SYNE2: variants seen among roughly 807,000 people sequenced by gnomAD.
SYNE2 encodes nesprin-2.
SYNE2 carries 431 observed loss-of-function variants against 856.3 expected under a neutral mutation model. That is an observed-to-expected ratio of 0.50 (90% confidence interval 0.47 to 0.55). The LOEUF (loss-of-function observed/expected upper bound fraction) is 0.55. Ranked by LOEUF, SYNE2 falls within the 20% of genes least tolerant of loss-of-function variation. The pLI is 0.00. For synonymous variants in SYNE2, 2,923 were observed against 2,872.3 expected (o/e 1.02, Z -0.56); for missense variants, 8,129 against 8,023.2 (o/e 1.01, Z -0.50).
chr14:63,789,646 G>A (rs997855283), intron 1 of SYNE2, among the ~76,000 whole-genome samples: 15 of 151,888 alleles, frequency 9.9e-5, no homozygotes, highest in African/African-American at 3.6e-4. Context: ...TAACCAGGTT[G>A]GTGGCACTGT....
At chr14:63,918,723 C>T (rs1006920467) in intron 2 of SYNE2, among the ~76,000 whole-genome samples, 5 of 152,184 alleles carry the variant, frequency 3.3e-5, no homozygotes, top group African/African-American at 9.7e-5. Context: ...TCCATCTTTA[C>T]TGCACAGGGG....
chr14:64,089,903 T>C (rs2097594682), intron 59 of SYNE2, among the ~76,000 whole-genome samples: 1 of 152,220 alleles, frequency 6.6e-6, no homozygotes, highest in Admixed American at 6.5e-5. Flanking sequence ...CTATAGGTTA[T>C]TTTTTCATTT....
intron 1 of SYNE2, among the ~76,000 whole-genome samples, chr14:63,861,144 G>GTT (rs71123806): frequency 7.0e-5 from 9 of 128,362 alleles, no homozygotes; most frequent in Admixed American, 4.1e-4. Flanking sequence ...TTACCACATT[G>GTT]TTTTTTTTTT....
chr14:64,022,886 TA>T (rs2096946941), intron 38 of SYNE2, 23 bp downstream of exon 38: 1 of 1,323,010 alleles, frequency 7.6e-7, no homozygotes, highest in Non-Finnish European at 1.1e-6. Flanking sequence ...TGTGTATTTT[TA>T]ATAAAAATTT....
chr14:63,885,390 A>C (rs1013412587), intron 1 of SYNE2, among the ~76,000 whole-genome samples: 1 of 152,120 alleles, frequency 6.6e-6, no homozygotes, highest in African/African-American at 2.4e-5. Context: ...TAGGTCTGGA[A>C]ATTGTTTCCA....
chr14:64,195,780 A>G (rs1461737690), intron 99 of SYNE2, among the ~76,000 whole-genome samples: 3 of 152,194 alleles, frequency 2.0e-5, no homozygotes. Flanking sequence ...AACACCAAAC[A>G]ATGCTGCTAG....
chr14:64,223,399 T>C lies in SYNE2; in HGVS notation c.20382+19T>C. 6.2e-7 allele frequency: 1 copy of C among 1,612,964 alleles called. No individual in the cohort carries two copies. Among genetic ancestry groups the C allele is most frequent in the Non-Finnish European group, 8.5e-7 (1 of 1,179,438 alleles). The stretch of plus-strand genomic sequence containing the variant: ...AACCCAGGTGAGTCTACTTGTAGCT[T>C]TTAACTGTAAAGATTGCCGTATTAC... On this transcript the variant is annotated intron_variant, in intron 113 of 115. Transcript: ENST00000555002.
chr14:63,948,730 A>ATG (rs1461775070), intron 6 of SYNE2, among the ~76,000 whole-genome samples: 6 of 88,890 alleles, frequency 6.7e-5, no homozygotes, highest in East Asian at 2.9e-4. Context: ...GTGTATATAT[A>ATG]TGTGTATAGA....
At chr14:63,950,088 C>T (rs2096126404) in intron 7 of SYNE2, 82 bp downstream of exon 7, 1 of 1,436,442 alleles carries the variant, frequency 7.0e-7, no homozygotes, top group Non-Finnish European at 9.8e-7. Flanking sequence ...ACACCTCCCT[C>T]ACTTAACATG....
At chr14:63,915,625 C>A (rs574261811) in intron 2 of SYNE2, among the ~76,000 whole-genome samples, 110 of 152,310 alleles carry the variant, frequency 7.2e-4, no homozygotes, top group African/African-American at 2.6e-3. Context: ...TCTGCACGAA[C>A]CTCTATAAAA....
intron 30 of SYNE2, among the ~76,000 whole-genome samples, chr14:64,003,705 G>T (rs1281558623): frequency 2.0e-5 from 3 of 152,124 alleles, no homozygotes; most frequent in Non-Finnish European, 2.9e-5. Context: ...TGAAACCAGT[G>T]GTGGAAGATG....
chr14:64,129,576 A>G (rs1043464328), intron 74 of SYNE2, among the ~76,000 whole-genome samples: 3 of 152,174 alleles, frequency 2.0e-5, no homozygotes, highest in Non-Finnish European at 4.4e-5. Context: ...AGGGATATGC[A>G]TGTCTACCCC....
chr14:64,131,765 G>A lies in SYNE2; in HGVS notation c.14341-500G>A, dbSNP rs76834570. Among the ~76,000 whole-genome samples the A allele has an allele frequency of 4.6e-5, 7 of 152,128 alleles. No individual in the cohort carries two copies. The East Asian group carries it at 1.4e-3, about 29-fold the overall frequency. Reference sequence around the variant, plus strand: ...CCTAGCTGGCATCTATCTTTTTGTAGCATTTAGACTCAAAACAACTGATTT... The same window carrying A: ...CCTAGCTGGCATCTATCTTTTTGTAACATTTAGACTCAAAACAACTGATTT... On this transcript the variant is annotated intron_variant, in intron 76 of 115. Transcript: ENST00000555002.
intron 1 of SYNE2, among the ~76,000 whole-genome samples, chr14:63,840,410 C>T (rs1266706458): frequency 1.7e-5 from 1 of 59,954 alleles, no homozygotes; most frequent in Admixed American, 2.1e-4. Context: ...TTCCTTCCTT[C>T]CTTCCTTCCT....
At chr14:64,024,214 A>G in intron 38 of SYNE2, 43 bp from the exon 39 acceptor site, 1 of 1,591,718 alleles carries the variant, frequency 6.3e-7, no homozygotes, top group Non-Finnish European at 8.6e-7. Flanking sequence ...GACCACATTC[A>G]GACTTGCCAG....
chr14:64,184,113 C>G (rs867712024), intron 96 of SYNE2, among the ~76,000 whole-genome samples: 3 of 152,106 alleles, frequency 2.0e-5, no homozygotes, highest in Non-Finnish European at 2.9e-5. Flanking sequence ...TGACTCCCTG[C>G]TTTTTTCATT....
chr14:63,790,706 A>G (rs1887702435), intron 1 of SYNE2, among the ~76,000 whole-genome samples: 1 of 152,200 alleles, frequency 6.6e-6, no homozygotes, highest in Admixed American at 6.5e-5. Context: ...ACACAGTTCT[A>G]TTGAATATTA....
intron 8 of SYNE2, among the ~76,000 whole-genome samples, chr14:63,955,977 ACTT>A (rs2096237182): frequency 6.6e-6 from 1 of 152,246 alleles, no homozygotes; most frequent in Non-Finnish European, 1.5e-5. Context: ...GACATGAATG[ACTT>A]CTTTGCTGAA....
chr14:64,167,387 G>A lies in SYNE2; in HGVS notation c.16760G>A (p.Ser5587Asn), dbSNP rs748532948. ...RATATALERC[S>N]ELQGIGLNEK... Reference sequence around the variant, plus strand: ...ACGGCCACGGCACTGGAGCGCTGCAGGTTAGAACATCCCTTCTCTGTCGTT... The same window carrying A: ...ACGGCCACGGCACTGGAGCGCTGCAAGTTAGAACATCCCTTCTCTGTCGTT... Residue 5587 changes from serine (S) to asparagine (N), a missense_variant and splice_region_variant, in exon 91 of 116, where the codon AGT becomes AAT. By Grantham distance (46) the Ser-to-Asn change is conservative (BLOSUM62 1). Transcript: ENST00000555002. The A allele has an allele frequency of 1.2e-6, 2 of 1,614,098 alleles. No individual in the cohort carries two copies. Among genetic ancestry groups the A allele is most frequent in the East Asian group, 2.2e-5 (1 of 44,900 alleles).
Sources: allele counts gnomAD v4.1 joint callset (sites outside exome capture counted in the v4.1 genomes callset), GRCh38; gene constraint gnomAD v4.1.1; transcripts MANE v1.5; gene names NCBI Gene and HGNC (gene_info 2026-07-23, HGNC 2026-07-21).